The following FRMD4A variants were observed in gnomAD, a reference collection of about 807,000 sequenced individuals.
FRMD4A encodes FERM domain-containing protein 4A.
FRMD4A carries 29 observed loss-of-function variants against 129.1 expected under a neutral mutation model. The observed-to-expected ratio is 0.22, with a 90% CI of 0.17 to 0.31. The LOEUF is 0.31. Ranked by LOEUF, FRMD4A falls within the 10% of genes least tolerant of loss-of-function variation. The pLI is 1.00. For missense variants in FRMD4A, 1,272 were observed against 1,375.8 expected (o/e 0.92, Z 1.19); for synonymous variants, 634 against 571.6 (o/e 1.11, Z -1.56).
intron 2 of FRMD4A, among the ~76,000 whole-genome samples, chr10:14,013,941 AC>A (rs1383678884): frequency 2.6e-5 from 4 of 152,166 alleles, no homozygotes. Context: ...CAAAACAAAA[AC>A]AAACAAACAA....
chr10:14,155,084 T>C (rs1232182079), intron 2 of FRMD4A, among the ~76,000 whole-genome samples: 1 of 152,214 alleles, frequency 6.6e-6, no homozygotes, highest in Non-Finnish European at 1.5e-5. Context: ...AAGCCAGGAA[T>C]TTGAGACCAG....
Position 14,145,337 on chromosome 10 carries a change from A to G in FRMD4A, c.45+184721T>C, listed in dbSNP as rs565864720. ...TCTTCTCCATATCAAGATAATGTAT[A>G]CAATTAACTAATACAGATTTTTAAA... On this transcript the variant is annotated intron_variant, in intron 2 of 24. Transcript: ENST00000357447. 3.3e-5 allele frequency among the ~76,000 whole-genome samples: 5 copies of G among 152,328 alleles called. No homozygotes were observed. In the East Asian group the frequency reaches 9.6e-4, roughly 29 times the overall value.
intron 2 of FRMD4A, among the ~76,000 whole-genome samples, chr10:14,227,618 G>A (rs1200520342): frequency 1.3e-5 from 2 of 151,956 alleles, no homozygotes; most frequent in South Asian, 2.1e-4. Flanking sequence ...CACCAAGCCT[G>A]CATGAGGTGT....
intron 4 of FRMD4A, among the ~76,000 whole-genome samples, chr10:13,800,043 G>C (rs1237705826): frequency 1.3e-5 from 2 of 151,934 alleles, no homozygotes; most frequent in African/African-American, 4.8e-5. Context: ...TTAGCCAGGC[G>C]TGGTGGCACA....
chr10:13,883,703 AAAGT>A (rs1299394186), intron 2 of FRMD4A, among the ~76,000 whole-genome samples: 1 of 152,224 alleles, frequency 6.6e-6, no homozygotes, highest in Non-Finnish European at 1.5e-5. Flanking sequence ...TTTCCACAAT[AAAGT>A]AAGGAAGGAA....
At chr10:14,109,130 G>A (rs1837739261) in intron 2 of FRMD4A, among the ~76,000 whole-genome samples, 1 of 151,468 alleles carries the variant, frequency 6.6e-6, no homozygotes. Context: ...CTCACCCTCT[G>A]GAAGATTAGA....
At chr10:13,660,161 G>A (rs979230151) in intron 20 of FRMD4A, among the ~76,000 whole-genome samples, 155 bp downstream of exon 20, 26 of 152,204 alleles carry the variant, frequency 1.7e-4, no homozygotes, top group African/African-American at 6.3e-4. Flanking sequence ...GGCAGCAGAG[G>A]GCGCTGTGAG....
chr10:14,247,536 G>T (rs780088698), intron 2 of FRMD4A, among the ~76,000 whole-genome samples: 1 of 151,466 alleles, frequency 6.6e-6, no homozygotes, highest in Non-Finnish European at 1.5e-5. Context: ...TCTCTTTCTC[G>T]CTCTTTCTGT....
chr10:13,707,313 T>C (rs969230815), intron 12 of FRMD4A, 200 bp from the exon 13 acceptor site: 12 of 1,068,082 alleles, frequency 1.1e-5, no homozygotes, highest in African/African-American at 3.2e-5. Context: ...AACCAGGCAA[T>C]GTGGGTGTGG....
At chr10:13,763,667 C>T (rs1388448968) in intron 6 of FRMD4A, among the ~76,000 whole-genome samples, 1 of 152,038 alleles carries the variant, frequency 6.6e-6, no homozygotes. Flanking sequence ...AATTCCTTTT[C>T]TCTCTCTCTC....
chr10:14,080,932 G>A (rs201196163), intron 2 of FRMD4A, among the ~76,000 whole-genome samples: 2 of 151,888 alleles, frequency 1.3e-5, no homozygotes, highest in Non-Finnish European at 1.5e-5. Flanking sequence ...GCACTCTGCT[G>A]GGGGCCTATG....
intron 2 of FRMD4A, among the ~76,000 whole-genome samples, chr10:14,005,240 T>C (rs540400041): frequency 2.0e-5 from 3 of 152,106 alleles, no homozygotes; most frequent in African/African-American, 4.8e-5. Flanking sequence ...GCCAGGATGG[T>C]CTCCATCTCC....
At chr10:13,969,789 A>G (rs572325759) in intron 2 of FRMD4A, among the ~76,000 whole-genome samples, 3 of 152,276 alleles carry the variant, frequency 2.0e-5, no homozygotes, top group Admixed American at 6.5e-5. Flanking sequence ...TGAGGCTGCA[A>G]TGAGTCGTGA....
At chr10:13,935,446 CAAAAAAAAAAAAAAAAA>C (rs71388135) in intron 2 of FRMD4A, among the ~76,000 whole-genome samples, 1 of 36,404 alleles carries the variant, frequency 2.7e-5, no homozygotes, top group African/African-American at 1.2e-4. Flanking sequence ...AACTCCATCT[CAAAAAAAAAAAAAAAAA>C]AAAAAAAAAA....
At chr10:14,076,269 G>A (rs1835595811) in intron 2 of FRMD4A, among the ~76,000 whole-genome samples, 1 of 152,172 alleles carries the variant, frequency 6.6e-6, no homozygotes, top group Admixed American at 6.5e-5. Flanking sequence ...GGTGAAAGAT[G>A]AAAATGTGCT....
At chr10:14,169,110 G>GA (rs1186032400) in intron 2 of FRMD4A, among the ~76,000 whole-genome samples, 1 of 294 alleles carries the variant, frequency 3.4e-3, no homozygotes, top group African/African-American at 0.01. Flanking sequence ...TTGGCTTTAT[G>GA]GAAAAATTAA....
intron 3 of FRMD4A, among the ~76,000 whole-genome samples, chr10:13,824,767 T>C (rs1207438373): frequency 6.6e-6 from 1 of 151,728 alleles, no homozygotes; most frequent in Non-Finnish European, 1.5e-5. Context: ...TGGTGGTGCA[T>C]GCCTGTAATC....
intron 5 of FRMD4A, among the ~76,000 whole-genome samples, chr10:13,790,943 G>A (rs1346296427): frequency 1.3e-5 from 2 of 151,928 alleles, no homozygotes; most frequent in Admixed American, 6.6e-5. Flanking sequence ...AGAGAGGAAA[G>A]GCTCGAGGGA....
intron 2 of FRMD4A, among the ~76,000 whole-genome samples, chr10:14,101,756 C>CAACAA (rs1396071116): frequency 6.6e-6 from 1 of 151,858 alleles, no homozygotes; most frequent in African/African-American, 2.4e-5. Flanking sequence ...CAACACAACA[C>CAACAA]AACACAACAC....
Sources: gnomAD v4.1 joint callset for allele counts (sites outside exome capture counted in the v4.1 genomes callset) on GRCh38, gnomAD v4.1.1 for gene constraint, MANE v1.5 for transcripts, NCBI Gene and HGNC (gene_info 2026-07-23, HGNC 2026-07-21) for gene names.